The following WASF3 variants were observed in gnomAD, a reference collection of about 807,000 sequenced individuals.
WASF3 encodes the protein WASP family member 3, also known as actin-binding protein WASF3.
Under a neutral mutation model 46.6 loss-of-function variants are expected in WASF3, and 11 were observed. That is an observed-to-expected ratio of 0.24 (90% CI 0.15 to 0.39). WASF3 has a LOEUF of 0.39. Ranked by LOEUF, WASF3 falls within the 10% of genes least tolerant of loss-of-function variation. The pLI is 1.00. For missense variants in WASF3, 576 were observed against 669.8 expected, an observed-to-expected ratio of 0.86 and a Z score of 1.55; for synonymous variants, 242 against 259.7, an observed-to-expected ratio of 0.93 and a Z score of 0.65.
intron 1 of WASF3, among the ~76,000 whole-genome samples, chr13:26,602,397 G>C (rs1426901677): frequency 6.6e-6 from 1 of 152,046 alleles, no homozygotes. Flanking sequence ...TTTTTTCCTT[G>C]TTTTTGTTCG....
rs147789921 is a variant in WASF3, at chr13:26,621,435, G to A, written c.-11+8377G>A. On this transcript the variant is annotated intron_variant, in intron 2 of 9. Coordinates refer to ENST00000335327, the MANE Select transcript of WASF3 (RefSeq NM_006646.6). The stretch of plus-strand genomic sequence containing the variant: ...GGAGGGAACCCAAGAGAGCAAATCT[G>A]TTCTGCAGGAGAAGAAACTGAGGCC... Among the ~76,000 whole-genome samples, 710 of 152,302 alleles carry A rather than the reference G, an allele frequency of 4.7e-3. 2 individuals carry two copies. The highest frequency in any genetic ancestry group is 7.6e-3 in the Non-Finnish European group (517 of 68,036).
At chr13:26,683,248 G>C (rs1883297672) in intron 9 of WASF3, among the ~76,000 whole-genome samples, 1 of 152,144 alleles carries the variant, frequency 6.6e-6, no homozygotes, top group Admixed American at 6.5e-5. Flanking sequence ...AAGGCAGTTG[G>C]ATTGCTTGAG....
intron 2 of WASF3, among the ~76,000 whole-genome samples, chr13:26,626,519 G>A (rs536538892): frequency 8.5e-5 from 13 of 152,088 alleles, no homozygotes; most frequent in Non-Finnish European, 1.8e-4. Context: ...TCAGATGGAA[G>A]GTTTAAATTC....
intron 1 of WASF3, chr13:26,577,687 CTT>C (rs1360727174): frequency 2.0e-6 from 2 of 995,292 alleles, no homozygotes; most frequent in African/African-American, 3.3e-5. Context: ...AAAGTTCAGA[CTT>C]ATAATAATGG....
At chr13:26,564,323 C>T (rs1879392550) in intron 1 of WASF3, among the ~76,000 whole-genome samples, 2 of 152,148 alleles carry the variant, frequency 1.3e-5, no homozygotes, top group South Asian at 4.2e-4. Context: ...TGTCAGATAA[C>T]CTCTTGAACG....
upstream of WASF3, among the ~76,000 whole-genome samples, chr13:26,554,080 C>CTTTTTCT: frequency 1.9e-5 from 1 of 52,516 alleles, no homozygotes; most frequent in South Asian, 7.7e-4. Context: ...TCCTTCCTTC[C>CTTTTTCT]TTCCTTCCTT....
the WASF3 span, among the ~76,000 whole-genome samples, chr13:26,547,605 C>T: frequency 2.6e-5 from 4 of 152,118 alleles, no homozygotes; most frequent in Non-Finnish European, 5.9e-5. Context: ...AAATGTTCTC[C>T]TTGAGAAGAC....
At chr13:26,631,093 A>G (rs1304171053) in intron 2 of WASF3, among the ~76,000 whole-genome samples, 1 of 152,116 alleles carries the variant, frequency 6.6e-6, no homozygotes, top group Non-Finnish European at 1.5e-5. Context: ...ATTTTCTCCC[A>G]TTCTGTAGGT....
intron 1 of WASF3, among the ~76,000 whole-genome samples, chr13:26,590,722 CAGTG>C (rs1321767669): frequency 2.6e-5 from 4 of 152,170 alleles, no homozygotes; most frequent in African/African-American, 9.7e-5. Context: ...ATCCTTTCAG[CAGTG>C]AGTTATTGCA....
intron 3 of WASF3, among the ~76,000 whole-genome samples, chr13:26,652,566 T>C (rs1244477331): frequency 1.3e-5 from 2 of 152,226 alleles, no homozygotes; most frequent in African/African-American, 4.8e-5. Flanking sequence ...ATACACATTC[T>C]TTTAATTTCC....
chr13:26,609,055 C>A (rs1026706783), intron 1 of WASF3, among the ~76,000 whole-genome samples: 15 of 152,234 alleles, frequency 9.9e-5, no homozygotes, highest in Middle Eastern at 6.8e-3. Flanking sequence ...TGGAGGCTTA[C>A]AAGAGATGTC....
intron 1 of WASF3, among the ~76,000 whole-genome samples, chr13:26,591,701 A>G (rs1566044241): frequency 6.6e-6 from 1 of 152,156 alleles, no homozygotes; most frequent in Non-Finnish European, 1.5e-5. Flanking sequence ...TTCAAAGTTC[A>G]TGGAAGTGGT....
chr13:26,670,847 C>T (rs547016711), intron 5 of WASF3, among the ~76,000 whole-genome samples: 1 of 152,308 alleles, frequency 6.6e-6, no homozygotes, highest in South Asian at 2.1e-4. Context: ...ACTAGAATAG[C>T]CCCATAGGCA....
rs78123750 is a variant in WASF3 at position 26,569,568 on chromosome 13, C to G, written c.-109+11749C>G. The stretch of plus-strand genomic sequence containing the variant: ...TGTGAGGTGCAGCTAAAGTCATACT[C>G]AGAGGAAAGATTATAGCCTTACATG... On this transcript the variant is annotated intron_variant, in intron 1 of 9. Coordinates refer to ENST00000335327, the MANE Select transcript of WASF3 (RefSeq NM_006646.6). 3.4e-3 allele frequency among the ~76,000 whole-genome samples: 521 copies of G among 152,074 alleles called. 9 individuals are homozygous for G. The East Asian group carries it at 0.046, about 13-fold the overall frequency.
Position 26,667,605 on chromosome 13 carries a change from T to C in WASF3, c.357T>C (p.Asn119=). ...TGGTTTCAAAGAACAGCATTCCTAATCCTGTTGCTGATATTTACAACCAGA... is the reference window on the plus strand; with the variant it reads ...TGGTTTCAAAGAACAGCATTCCTAACCCTGTTGCTGATATTTACAACCAGA... The part of the protein sequence containing the change: ...QQVVSKNSIP[N]PVADIYNQSD... Residue 119 remains asparagine, a synonymous_variant, in exon 5 of 10, where the codon AAT becomes AAC. Transcript: ENST00000335327. 6.2e-7 allele frequency: 1 copy of C among 1,614,140 alleles called. No individual in the cohort carries two copies. Among genetic ancestry groups the C allele is most frequent in the Non-Finnish European group, 8.5e-7 (1 of 1,180,012 alleles).
chr13:26,579,729 A>G (rs1248177702), intron 1 of WASF3, among the ~76,000 whole-genome samples: 1 of 152,036 alleles, frequency 6.6e-6, no homozygotes, highest in Non-Finnish European at 1.5e-5. Flanking sequence ...CCCTTTTTTT[A>G]AAACCAGGAA....
intron 3 of WASF3, among the ~76,000 whole-genome samples, chr13:26,658,529 C>CT (rs1414442944): frequency 6.6e-6 from 1 of 152,224 alleles, no homozygotes; most frequent in Non-Finnish European, 1.5e-5. Flanking sequence ...TTATTAATGA[C>CT]TTTAAGACAC....
chr13:26,568,123 A>T (rs1457383807), intron 1 of WASF3, among the ~76,000 whole-genome samples: 1 of 152,068 alleles, frequency 6.6e-6, no homozygotes. Flanking sequence ...GGCCGTATAG[A>T]CTGTGGTGCA....
intron 3 of WASF3, among the ~76,000 whole-genome samples, chr13:26,650,064 C>T (rs1489236769): frequency 6.6e-6 from 1 of 152,114 alleles, no homozygotes; most frequent in Non-Finnish European, 1.5e-5. Context: ...GTAAAACTGT[C>T]TCAGAAAAAA....
Sources: allele counts gnomAD v4.1 joint callset (sites outside exome capture counted in the v4.1 genomes callset), GRCh38; gene constraint gnomAD v4.1.1; transcripts MANE v1.5; gene names NCBI Gene and HGNC (gene_info 2026-07-23, HGNC 2026-07-21).